The following CNTN6 variants were observed in gnomAD, a reference collection of about 807,000 sequenced individuals.
The protein encoded by CNTN6 is contactin 6, also known as contactin-6.
In CNTN6, 137 loss-of-function variants were observed where a neutral mutation model predicts 122.8. The ratio of observed to expected loss-of-function variants is 1.12; its 90% confidence interval spans 0.97 to 1.29. The LOEUF (loss-of-function observed/expected upper bound fraction) is 1.29. Among genes scored for constraint, CNTN6 ranks in the 50% most tolerant of loss-of-function variants. The pLI is 0.00. For missense variants in CNTN6, 1,634 were observed against 1,223.4 expected, an observed-to-expected ratio of 1.34 and a Z score of -5.01; for synonymous variants, 570 against 426.0, an observed-to-expected ratio of 1.34 and a Z score of -4.16.
At chr3:1,314,060 G>A (rs1181260269) in intron 7 of CNTN6, among the ~76,000 whole-genome samples, 1 of 151,934 alleles carries the variant, frequency 6.6e-6, no homozygotes, top group Non-Finnish European at 1.5e-5. Context: ...TTCCTAGTAG[G>A]GACTGACTGC....
At chr3:1,321,967 C>G (rs1205315520) in intron 8 of CNTN6, 133 bp downstream of exon 8, 11 of 702,320 alleles carry the variant, frequency 1.6e-5, no homozygotes, top group Middle Eastern at 8.1e-4. Flanking sequence ...GGTTTAGATG[C>G]TTAACACAAT....
chr3:1,248,398 C>G (rs1467862827), intron 4 of CNTN6, among the ~76,000 whole-genome samples: 2 of 152,132 alleles, frequency 1.3e-5, no homozygotes, highest in East Asian at 3.9e-4. Flanking sequence ...ACCAACCTTC[C>G]TACAGTTATT....
At chr3:1,099,322 G>A (rs1254195636) in intron 1 of CNTN6, among the ~76,000 whole-genome samples, 1 of 151,714 alleles carries the variant, frequency 6.6e-6, no homozygotes, top group Admixed American at 6.6e-5. Context: ...GTGGTGGCGG[G>A]CGCCTGTAGT....
chr3:1,198,549 C>T (rs143127678), intron 2 of CNTN6, among the ~76,000 whole-genome samples: 482 of 152,076 alleles, frequency 3.2e-3, no homozygotes, highest in African/African-American at 0.011. Flanking sequence ...ATGGTGAAAC[C>T]CGATCTCTAC....
chr3:1,342,496 T>A (rs1704045881), intron 11 of CNTN6, among the ~76,000 whole-genome samples: 1 of 152,208 alleles, frequency 6.6e-6, no homozygotes, highest in African/African-American at 2.4e-5. Flanking sequence ...TGTTACCTGT[T>A]TATGATGTCA....
chr3:1,261,981 G>T (rs1056560322), intron 4 of CNTN6, among the ~76,000 whole-genome samples: 9 of 152,076 alleles, frequency 5.9e-5, no homozygotes, highest in African/African-American at 1.9e-4. Context: ...TACTGGATAT[G>T]CGACTGGACT....
At chr3:1,139,593 A>C (rs2092563063) in intron 1 of CNTN6, among the ~76,000 whole-genome samples, 1 of 152,154 alleles carries the variant, frequency 6.6e-6, no homozygotes, top group Non-Finnish European at 1.5e-5. Context: ...TTAAAAAAAA[A>C]CTTCAGCTGA....
At chr3:1,206,484 C>T (rs1163293788) in intron 2 of CNTN6, among the ~76,000 whole-genome samples, 11 of 152,100 alleles carry the variant, frequency 7.2e-5, no homozygotes, top group South Asian at 4.1e-4. Context: ...AAGGTATTGT[C>T]TTCTCCCTCT....
intron 2 of CNTN6, among the ~76,000 whole-genome samples, chr3:1,200,660 G>A (rs2093850308): frequency 6.6e-6 from 1 of 152,142 alleles, no homozygotes; most frequent in African/African-American, 2.4e-5. Context: ...TACAGAATTT[G>A]GACATGTTTT....
intron 12 of CNTN6, among the ~76,000 whole-genome samples, chr3:1,356,635 G>C (rs1462004584): frequency 6.6e-6 from 1 of 151,768 alleles, no homozygotes; most frequent in Non-Finnish European, 1.5e-5. Flanking sequence ...AGATGTATTG[G>C]AATACATTTG....
At chr3:1,121,365 C>T (rs907215437) in intron 1 of CNTN6, among the ~76,000 whole-genome samples, 14 of 151,812 alleles carry the variant, frequency 9.2e-5, no homozygotes, top group African/African-American at 3.4e-4. Context: ...ATCAGTATTC[C>T]ATAGCTCCTT....
intron 11 of CNTN6, among the ~76,000 whole-genome samples, chr3:1,332,526 G>GGAAT (rs1553687740): frequency 0.34 from 51,462 of 149,558 alleles, 9,579 homozygotes; most frequent in East Asian, 0.63. Flanking sequence ...AAGGAAGGAA[G>GGAAT]GAAGGAGGGA....
intron 2 of CNTN6, among the ~76,000 whole-genome samples, chr3:1,156,248 G>A (rs781575455): frequency 2.0e-5 from 3 of 152,010 alleles, no homozygotes; most frequent in East Asian, 1.9e-4. Flanking sequence ...ACACTTATTC[G>A]AATGCTATGT....
At chr3:1,219,931 G>C (rs1255203509) in intron 2 of CNTN6, among the ~76,000 whole-genome samples, 2 of 152,080 alleles carry the variant, frequency 1.3e-5, no homozygotes, top group Non-Finnish European at 2.9e-5. Flanking sequence ...GAGCCCAGGA[G>C]GTTGAGGCTG....
intron 1 of CNTN6, among the ~76,000 whole-genome samples, chr3:1,095,515 A>G (rs2090482603): frequency 6.6e-6 from 1 of 152,146 alleles, no homozygotes; most frequent in Non-Finnish European, 1.5e-5. Flanking sequence ...AGAAACATTG[A>G]GTTTAATTTT....
intron 2 of CNTN6, among the ~76,000 whole-genome samples, chr3:1,176,693 CTGTT>C (rs1448694908): frequency 6.6e-6 from 1 of 152,044 alleles, no homozygotes; most frequent in African/African-American, 2.4e-5. Context: ...TGAACTATGT[CTGTT>C]TATTTAAGAG....
intron 12 of CNTN6, among the ~76,000 whole-genome samples, chr3:1,368,105 AATG>A (rs1708492074): frequency 6.6e-6 from 1 of 152,212 alleles, no homozygotes; most frequent in African/African-American, 2.4e-5. Context: ...TATTCCAGTC[AATG>A]ATAAGAACAT....
intron 2 of CNTN6, among the ~76,000 whole-genome samples, chr3:1,162,376 T>C (rs2093155384): frequency 6.6e-6 from 1 of 151,770 alleles, no homozygotes; most frequent in Non-Finnish European, 1.5e-5. Context: ...GTGCTACATT[T>C]GGGGTTGTAC....
At chr3:1,268,602 G>GAA (rs1297053742) in intron 4 of CNTN6, among the ~76,000 whole-genome samples, 3 of 102,890 alleles carry the variant, frequency 2.9e-5, no homozygotes, top group African/African-American at 1.7e-4. Context: ...GCGAGACTCC[G>GAA]TCTCAAAAAA....
Sources: gnomAD v4.1 joint callset for allele counts (sites outside exome capture counted in the v4.1 genomes callset) on GRCh38, gnomAD v4.1.1 for gene constraint, MANE v1.5 for transcripts, NCBI Gene and HGNC (gene_info 2026-07-23, HGNC 2026-07-21) for gene names.